MTHFD1L: variants seen among roughly 807,000 people sequenced by gnomAD.
MTHFD1L encodes the protein monofunctional C1-tetrahydrofolate synthase, mitochondrial.
A neutral mutation model predicts 119.5 loss-of-function variants in MTHFD1L; 81 were observed. The observed-to-expected ratio is 0.68, with a 90% CI of 0.57 to 0.82. The LOEUF is 0.82. Among genes scored for constraint, MTHFD1L ranks in the 40% least tolerant of loss-of-function variants. The probability of loss-of-function intolerance (pLI) is 0.00; values close to 1 mark genes in which losing one functional copy is unlikely to be tolerated. For synonymous variants in MTHFD1L, 430 were observed against 475.2 expected, an observed-to-expected ratio of 0.90 and a Z score of 1.24; for missense variants, 1,125 against 1,253.4, an observed-to-expected ratio of 0.90 and a Z score of 1.55.
At chr6:151,079,895 C>T (rs2128631380) in intron 26 of MTHFD1L, among the ~76,000 whole-genome samples, 1 of 151,738 alleles carries the variant, frequency 6.6e-6, no homozygotes, top group South Asian at 2.1e-4. Flanking sequence ...AGAAATTAGG[C>T]CAGGCGTGGT....
At chr6:150,934,960 A>C (rs1238830111) in intron 11 of MTHFD1L, 25 of 1,526,708 alleles carry the variant, frequency 1.6e-5, no homozygotes, top group Non-Finnish European at 2.6e-6. Context: ...ATTTATTTGC[A>C]CCTGGAAATG....
At chr6:150,998,567 A>G (rs1013252786) in intron 20 of MTHFD1L, among the ~76,000 whole-genome samples, 1 of 151,142 alleles carries the variant, frequency 6.6e-6, no homozygotes. Flanking sequence ...TCAAAAATCC[A>G]AAGTTTTTTG....
chr6:150,872,270 CTGTT>C (rs1362524089), intron 1 of MTHFD1L, among the ~76,000 whole-genome samples: 1 of 152,164 alleles, frequency 6.6e-6, no homozygotes, highest in South Asian at 2.1e-4. Context: ...GCTTGGCTAA[CTGTT>C]TGGCTCAAGA....
At chr6:151,050,293 G>T (rs892845901) in intron 26 of MTHFD1L, among the ~76,000 whole-genome samples, 6 of 152,206 alleles carry the variant, frequency 3.9e-5, no homozygotes, top group African/African-American at 1.4e-4. Flanking sequence ...CTCCTGAGTA[G>T]CTGGGATTAC....
intron 20 of MTHFD1L, among the ~76,000 whole-genome samples, chr6:150,974,195 G>A (rs1776208170): frequency 6.6e-6 from 1 of 152,090 alleles, no homozygotes; most frequent in African/African-American, 2.4e-5. Context: ...TGTAAAATAG[G>A]GCTTTGGATA....
At position 150,876,175 on chromosome 6, in the gene MTHFD1L, G is replaced by A; in HGVS notation, c.312+1G>A. 1 of 1,581,520 alleles carries A rather than the reference G, an allele frequency of 6.3e-7. No homozygotes were observed. The highest frequency in any genetic ancestry group is 8.6e-7 in the Non-Finnish European group (1 of 1,164,260). ...CAAGCCGGTTCTTGCAATTATCCAG[G>A]TAAGCCGAGAACAAGGTTCAGTCCT... On this transcript the variant is annotated splice_donor_variant, in intron 2 of 27. Coordinates refer to ENST00000367321, the MANE Select transcript of MTHFD1L (RefSeq NM_015440.5). LOFTEE classifies it high-confidence loss of function.
intron 4 of MTHFD1L, among the ~76,000 whole-genome samples, chr6:150,882,369 C>T (rs554947135): frequency 1.3e-5 from 2 of 152,334 alleles, no homozygotes; most frequent in East Asian, 3.9e-4. Flanking sequence ...ATTCATGCTT[C>T]CTGTCCTTCC....
intron 7 of MTHFD1L, among the ~76,000 whole-genome samples, chr6:150,894,362 G>A (rs918628543): frequency 6.6e-6 from 1 of 152,142 alleles, no homozygotes; most frequent in African/African-American, 2.4e-5. Flanking sequence ...GAAGGAGAGA[G>A]TGTCTCCAGC....
intron 20 of MTHFD1L, among the ~76,000 whole-genome samples, chr6:150,974,679 T>G (rs1453599928): frequency 6.6e-6 from 1 of 152,068 alleles, no homozygotes; most frequent in Non-Finnish European, 1.5e-5. Flanking sequence ...TAGCATAATG[T>G]CCTCAAGGTT....
intron 26 of MTHFD1L, among the ~76,000 whole-genome samples, chr6:151,072,310 C>A (rs1307998004): frequency 6.6e-6 from 1 of 151,930 alleles, no homozygotes; most frequent in Non-Finnish European, 1.5e-5. Context: ...TAATTTTATT[C>A]TTGAACTACT....
intron 26 of MTHFD1L, among the ~76,000 whole-genome samples, chr6:151,091,236 G>T (rs112547465): frequency 6.4e-5 from 9 of 140,314 alleles, no homozygotes; most frequent in African/African-American, 2.4e-4. Flanking sequence ...GTGACTGGGT[G>T]CAGCATCGTT....
intron 1 of MTHFD1L, 137 bp downstream of exon 1, chr6:150,866,186 C>G: frequency 7.4e-7 from 1 of 1,354,082 alleles, no homozygotes; most frequent in Non-Finnish European, 9.7e-7. Context: ...GGGGGCCGGG[C>G]GGTGTGTCGG....
chr6:151,048,439 C>T (rs2128568945), intron 26 of MTHFD1L, among the ~76,000 whole-genome samples: 1 of 152,266 alleles, frequency 6.6e-6, no homozygotes, highest in South Asian at 2.1e-4. Flanking sequence ...TCTTGGCCTT[C>T]CCACAATGGG....
intron 26 of MTHFD1L, among the ~76,000 whole-genome samples, chr6:151,068,404 T>C (rs1791561584): frequency 6.6e-6 from 1 of 152,230 alleles, no homozygotes; most frequent in Admixed American, 6.5e-5. Context: ...TTTTTGTTCT[T>C]GGACATAGTT....
chr6:150,965,762 A>G (rs1797121848), intron 19 of MTHFD1L, among the ~76,000 whole-genome samples: 2 of 151,836 alleles, frequency 1.3e-5, no homozygotes, highest in South Asian at 4.2e-4. Context: ...ATAATCATTG[A>G]GTTGTGGATT....
At chr6:151,094,839 C>T (rs1794762607) in intron 27 of MTHFD1L, among the ~76,000 whole-genome samples, 1 of 152,098 alleles carries the variant, frequency 6.6e-6, no homozygotes, top group South Asian at 2.1e-4. Flanking sequence ...CCACCACGCC[C>T]AGCCTAATTT....
chr6:150,951,520 C>T (rs1011457181), intron 16 of MTHFD1L, among the ~76,000 whole-genome samples: 5 of 152,002 alleles, frequency 3.3e-5, no homozygotes, highest in African/African-American at 7.3e-5. Context: ...TTATATCCTA[C>T]GAGTTTCATT....
At chr6:151,006,404 G>A (rs191609959) in intron 20 of MTHFD1L, among the ~76,000 whole-genome samples, 3 of 152,194 alleles carry the variant, frequency 2.0e-5, no homozygotes, top group South Asian at 4.1e-4. Context: ...TATTACAGAG[G>A]CACGAAGTCT....
chr6:150,977,849 C>G (rs927614303), intron 20 of MTHFD1L, among the ~76,000 whole-genome samples: 1 of 151,862 alleles, frequency 6.6e-6, no homozygotes, highest in African/African-American at 2.4e-5. Flanking sequence ...ATCTACAACT[C>G]TGTCCCATAA....
Sources: gnomAD v4.1 joint callset for allele counts (sites outside exome capture counted in the v4.1 genomes callset) on GRCh38, gnomAD v4.1.1 for gene constraint, MANE v1.5 for transcripts, NCBI Gene and HGNC (gene_info 2026-07-23, HGNC 2026-07-21) for gene names.